Variants in NOX4 observed in about 807,000 individuals in gnomAD.
NOX4 encodes kidney oxidase-1.
A neutral mutation model predicts 87.6 loss-of-function variants in NOX4; 69 were observed. That is an observed-to-expected ratio of 0.79 (90% CI 0.65 to 0.96). NOX4 has a LOEUF of 0.96. Among genes scored for constraint, NOX4 ranks in the 40% least tolerant of loss-of-function variants. The pLI, the probability that NOX4 is intolerant of heterozygous loss-of-function variation, is 0.00. For synonymous variants in NOX4, 275 were observed against 238.2 expected (o/e 1.15, Z -1.42); for missense variants, 680 against 681.5 (o/e 1.00, Z 0.02).
the NOX4 span, among the ~76,000 whole-genome samples, chr11:89,516,535 T>C: frequency 6.6e-6 from 1 of 152,070 alleles, no homozygotes. Context: ...TCCATACTGC[T>C]GAGGAATTCA....
At position 89,491,228 on chromosome 11, in the gene NOX4, T is replaced by C. The variant is rs1591380824; in HGVS notation, c.19A>G (p.Ser7Gly). 1 of 1,613,510 alleles carries C rather than the reference T, an allele frequency of 6.2e-7. No individual in the cohort carries two copies. The highest frequency in any genetic ancestry group is 8.5e-7 in the Non-Finnish European group (1 of 1,179,838). MAVSWRSWLANEGVKHL... is the reference protein window; with the variant it reads MAVSWRGWLANEGVKHL... Reference sequence around the variant, plus strand: ...TTAACCCCTTCGTTGGCGAGCCAGCTCCTCCAGGACACAGCCATGCCGCCG... The same window carrying C: ...TTAACCCCTTCGTTGGCGAGCCAGCCCCTCCAGGACACAGCCATGCCGCCG... Residue 7 changes from serine (S) to glycine (G), a missense_variant, in exon 1 of 18, where the codon AGC becomes GGC. By Grantham distance (56) the Ser-to-Gly change is moderately conservative. Coordinates refer to ENST00000263317, the MANE Select transcript of NOX4 (RefSeq NM_016931.5).
chr11:89,474,952 T>A (rs1489448571), intron 2 of NOX4, among the ~76,000 whole-genome samples: 1 of 148,950 alleles, frequency 6.7e-6, no homozygotes, highest in Non-Finnish European at 1.5e-5. Flanking sequence ...TACACAATGA[T>A]GTTTTTCATT....
the NOX4 span, among the ~76,000 whole-genome samples, chr11:89,552,466 T>C: frequency 0.015 from 2,225 of 152,262 alleles, 55 homozygotes; most frequent in African/African-American, 0.051. Context: ...AACCTTATAA[T>C]TCATTGCCTC....
intron 5 of NOX4, among the ~76,000 whole-genome samples, chr11:89,442,187 A>T (rs1944488103): frequency 6.6e-6 from 1 of 151,782 alleles, no homozygotes; most frequent in Admixed American, 6.6e-5. Flanking sequence ...ATACAAGAAG[A>T]AATAAAGGCA....
chr11:89,522,016 G>T, the NOX4 span, among the ~76,000 whole-genome samples: 1 of 148,520 alleles, frequency 6.7e-6, no homozygotes, highest in African/African-American at 2.5e-5. Flanking sequence ...CTGTTAGAAA[G>T]AAAAAACAGC....
At position 89,325,102 on chromosome 11, in the gene NOX4, G is replaced by T. The variant is rs2135349050; in HGVS notation, c.*1654C>A. On this transcript the variant is annotated 3_prime_UTR_variant, in exon 18 of 18. Coordinates refer to ENST00000263317, the MANE Select transcript of NOX4 (RefSeq NM_016931.5). ...ACTAAACAAAATCACTAAACTGTAT[G>T]AATGCTTTAATTCTTTTTTTTTTTT... 7.8e-6 allele frequency: 1 copy of T among 127,462 alleles called. No homozygotes were observed. Among genetic ancestry groups the T allele is most frequent in the Non-Finnish European group, 1.6e-5 (1 of 61,574 alleles). 7.9% of individuals were successfully genotyped at this position (127,462 alleles called of 1,614,324 possible). A position where few individuals can be genotyped will look rare whatever the true frequency, so the allele number is the denominator to read the frequency against.
At chr11:89,490,780 A>G in intron 1 of NOX4, 1 of 695,002 alleles carries the variant, frequency 1.4e-6, no homozygotes, top group South Asian at 1.5e-5. Flanking sequence ...GGTTGCAAAT[A>G]GGTTTCCTAA....
the NOX4 span, among the ~76,000 whole-genome samples, chr11:89,541,446 TG>T: frequency 6.6e-6 from 1 of 152,164 alleles, no homozygotes; most frequent in African/African-American, 2.4e-5. Context: ...TGCCAACATA[TG>T]TTTTAGATTT....
intron 6 of NOX4, among the ~76,000 whole-genome samples, chr11:89,438,782 A>AT (rs1944252782): frequency 7.3e-5 from 1 of 13,668 alleles, no homozygotes; most frequent in East Asian, 4.6e-3. Flanking sequence ...ATAATATAAT[A>AT]ATATATAGTG....
chr11:89,483,808 G>C (rs1946486339), intron 2 of NOX4, among the ~76,000 whole-genome samples: 1 of 152,140 alleles, frequency 6.6e-6, no homozygotes, highest in Admixed American at 6.5e-5. Context: ...TAATTATCTT[G>C]ACTTAGCCAT....
intron 12 of NOX4, among the ~76,000 whole-genome samples, chr11:89,362,173 GACACACACACACAC>G (rs148208109): frequency 2.9e-4 from 42 of 147,018 alleles, no homozygotes; most frequent in Admixed American, 6.1e-4. Flanking sequence ...CACAGACACA[GACACACACACACAC>G]ACACACACAC....
intron 13 of NOX4, among the ~76,000 whole-genome samples, chr11:89,345,842 C>T (rs759886338): frequency 3.3e-5 from 5 of 152,052 alleles, no homozygotes; most frequent in Non-Finnish European, 5.9e-5. Context: ...CCAACATGAT[C>T]CTGAATTGGC....
At chr11:89,586,575 A>C in the NOX4 span, among the ~76,000 whole-genome samples, 1 of 152,192 alleles carries the variant, frequency 6.6e-6, no homozygotes, top group Non-Finnish European at 1.5e-5. Flanking sequence ...AAAGATCAAG[A>C]AGAAATGGAC....
intron 11 of NOX4, among the ~76,000 whole-genome samples, chr11:89,389,586 G>A (rs373673596): frequency 6.6e-6 from 1 of 152,170 alleles, no homozygotes; most frequent in South Asian, 2.1e-4. Context: ...ATGGACAATC[G>A]AAAGCTTTCA....
At chr11:89,375,782 T>A (rs1384243916) in intron 11 of NOX4, among the ~76,000 whole-genome samples, 3 of 152,182 alleles carry the variant, frequency 2.0e-5, no homozygotes, top group Non-Finnish European at 4.4e-5. Flanking sequence ...CCAACAGAGA[T>A]CTGAGCTACC....
At chr11:89,525,836 A>G in the NOX4 span, among the ~76,000 whole-genome samples, 3 of 151,794 alleles carry the variant, frequency 2.0e-5, no homozygotes, top group Non-Finnish European at 4.4e-5. Context: ...TATAAATTCT[A>G]TGTTTAGATT....
At chr11:89,586,554 A>G in the NOX4 span, among the ~76,000 whole-genome samples, 2 of 152,304 alleles carry the variant, frequency 1.3e-5, no homozygotes, top group Middle Eastern at 3.4e-3. Flanking sequence ...TATTTGTGGC[A>G]CTGGTAATAT....
At chr11:89,411,736 C>A (rs377323538) in intron 8 of NOX4, among the ~76,000 whole-genome samples, 1 of 151,520 alleles carries the variant, frequency 6.6e-6, no homozygotes. Context: ...AAAAGGAAGA[C>A]AGGATGGAAG....
upstream of NOX4, among the ~76,000 whole-genome samples, chr11:89,492,609 T>A (rs2135504198): frequency 6.6e-6 from 1 of 152,350 alleles, no homozygotes; most frequent in African/African-American, 2.4e-5. Flanking sequence ...CTGTTTTTCC[T>A]GTTTCATGCA....
Sources: allele counts gnomAD v4.1 joint callset (sites outside exome capture counted in the v4.1 genomes callset), GRCh38; gene constraint gnomAD v4.1.1; transcripts MANE v1.5; gene names NCBI Gene and HGNC (gene_info 2026-07-23, HGNC 2026-07-21).